GREB1: variants seen among roughly 807,000 people sequenced by gnomAD.
GREB1 encodes growth regulating estrogen receptor binding 1, also known as protein GREB1.
In GREB1, 106 loss-of-function variants were observed where a neutral mutation model predicts 200.7. The ratio of observed to expected loss-of-function variants is 0.53; its 90% CI spans 0.45 to 0.62. The LOEUF is 0.62. GREB1 is among the 20% of genes least tolerant of loss of function. The pLI, the probability that GREB1 is intolerant of heterozygous loss-of-function variation, is 0.00. For missense variants in GREB1, 2,243 were observed against 2,556.8 expected (o/e 0.88, Z 2.65); for synonymous variants, 1,132 against 1,092.4 (o/e 1.04, Z -0.72).
chr2:11,610,730 C>A lies in GREB1; in HGVS notation c.2709C>A (p.Leu903=). The A allele has an allele frequency of 6.2e-7, 1 of 1,613,366 alleles. No individual in the cohort carries two copies. Among genetic ancestry groups the A allele is most frequent in the Non-Finnish European group, 8.5e-7 (1 of 1,179,946 alleles). Residue 903 remains leucine, a synonymous_variant, in exon 18 of 33, where the codon CTC becomes CTA. Transcript: ENST00000381486. ...LHSAVIRTFV[L]VQHYAAALMA... ...GCGCGGTGATCAGGACCTTTGTTCT[C>A]GTGCAGCACTACGCGGCCGCCCTGA...
intron 8 of GREB1, 89 bp from the exon 9 acceptor site, chr2:11,585,673 T>C: frequency 6.9e-7 from 1 of 1,446,590 alleles, no homozygotes; most frequent in Non-Finnish European, 9.6e-7. Context: ...GGTCAGAGGG[T>C]AGCAGATTTG....
intron 1 of GREB1, among the ~76,000 whole-genome samples, chr2:11,526,315 T>C (rs952725547): frequency 3.3e-5 from 5 of 152,182 alleles, no homozygotes; most frequent in Non-Finnish European, 7.3e-5. Context: ...CAGAATGTAG[T>C]AGAAAGATTA....
At chr2:11,636,722 G>A (rs1572227296) in intron 30 of GREB1, among the ~76,000 whole-genome samples, 2 of 152,008 alleles carry the variant, frequency 1.3e-5, no homozygotes, top group East Asian at 3.9e-4. Context: ...CCAGGCAGGG[G>A]CAAGGGCAGG....
chr2:11,618,495 G>C lies in GREB1; in HGVS notation c.3620G>C (p.Gly1207Ala), dbSNP rs1460820849. 14 of 1,610,178 alleles carry C rather than the reference G, an allele frequency of 8.7e-6. No individual in the cohort carries two copies. Among genetic ancestry groups the C allele is most frequent in the Non-Finnish European group, 1.2e-5 (14 of 1,178,944 alleles). ...TPQPDCSLRT[G>A]QRSVQVSVTS... Reference sequence around the variant, plus strand: ...CAGCCCGACTGTAGCCTCAGGACCGGCCAGAGGAGCGTCCAGGTGTCGGTC... The same window carrying C: ...CAGCCCGACTGTAGCCTCAGGACCGCCCAGAGGAGCGTCCAGGTGTCGGTC... Residue 1207 changes from glycine to alanine, a missense_variant, in exon 22 of 33, where the codon GGC (glycine) becomes GCC (alanine). Around this residue, in one of 3 missense-constraint regions of GREB1, gnomAD observed 587 missense variants for 553.1 expected, o/e 1.06. Coordinates refer to ENST00000381486, the MANE Select transcript of GREB1 (RefSeq NM_014668.4).
rs1421996950 is a variant in GREB1, at chr2:11,590,444, C to T, written c.1345+1513C>T. ...TGCTCTGTCCCAGCCCACTGTCCCC[C>T]TCAGCAATCTTGGTCCCACCTGGGC... On this transcript the variant is annotated intron_variant, in intron 10 of 32. Transcript: ENST00000381486. Among the ~76,000 whole-genome samples the T allele has an allele frequency of 2.0e-5, 3 of 152,178 alleles. No individual in the cohort carries two copies. The East Asian group carries it at 5.8e-4, about 29-fold the overall frequency.
chr2:11,587,774 G>A, intron 9 of GREB1: 1 of 1,118,368 alleles, frequency 8.9e-7, no homozygotes. Flanking sequence ...GCCCCGAGAG[G>A]ATTTGATAGC....
intron 1 of GREB1, among the ~76,000 whole-genome samples, chr2:11,494,054 G>A (rs957212083): frequency 6.6e-6 from 1 of 152,232 alleles, no homozygotes; most frequent in Non-Finnish European, 1.5e-5. Context: ...GTAAGCCAGA[G>A]TGTGGTACCC....
In GREB1 at chr2:11,612,516, G is replaced by A. The variant is rs1404807999; in HGVS notation, c.3028G>A (p.Val1010Met). 2.5e-6 allele frequency: 4 copies of A among 1,611,322 alleles called. No individual in the cohort carries two copies. The Admixed American group carries it at 5.0e-5, about 20-fold the overall frequency. ...QLRMWQKIED[V>M]EWRPQTYLEL... ...GCAGATGTGGCAGAAAATTGAGGAT[G>A]TGGAGTGGAGACCCCAGACTTACTT... is the stretch of plus-strand genomic sequence containing the variant. The change falls in exon 19 of 33, where the codon GTG (valine) becomes ATG (methionine). Residue 1010 changes from valine (V) to methionine (M), a missense_variant. This residue lies in a region of GREB1 where 1,178 missense variants were observed against 1,387.4 expected (regional missense o/e 0.85). Transcript: ENST00000381486.
intron 1 of GREB1, among the ~76,000 whole-genome samples, chr2:11,483,123 G>T (rs903945695): frequency 6.6e-6 from 1 of 152,098 alleles, no homozygotes; most frequent in Non-Finnish European, 1.5e-5. Context: ...AGGTGTCCGG[G>T]ATCGGCCCTG....
chr2:11,610,688 G>C lies in GREB1; in HGVS notation c.2667G>C (p.Arg889Ser), dbSNP rs760768825. Residue 889 changes from arginine to serine, a missense_variant and splice_region_variant, in exon 18 of 33, where the codon AGG becomes AGC. Around this residue, in one of 3 missense-constraint regions of GREB1, gnomAD observed 1,178 missense variants for 1,387.4 expected, o/e 0.85. Coordinates refer to ENST00000381486, the MANE Select transcript of GREB1 (RefSeq NM_014668.4). ...CATGGTCTCTCTGTGTTCCTTGCAG[G>C]TTCCCCCGCCTGCACAGCGCGGTGA... ...FEAMVTALGK[R>S]FPRLHSAVIR... 6.2e-7 allele frequency: 1 copy of C among 1,606,942 alleles called. No individual in the cohort carries two copies. The highest frequency in any genetic ancestry group is 1.3e-5 in the African/African-American group (1 of 74,776).
At chr2:11,509,629 G>A (rs909320454) in intron 1 of GREB1, among the ~76,000 whole-genome samples, 3 of 152,182 alleles carry the variant, frequency 2.0e-5, no homozygotes, top group Non-Finnish European at 4.4e-5. Flanking sequence ...CAATGTGATA[G>A]TATTCAGAGG....
rs1416223074 is a variant in GREB1, at chr2:11,640,605, G to A, written c.*151G>A. On this transcript the variant is annotated 3_prime_UTR_variant, in exon 33 of 33. Transcript: ENST00000381486. The surrounding 1 kb of genome is among the most constrained non-coding windows in gnomAD (Gnocchi z 4.6). ...CCCCTCCTAGTACACATGGGCCCCC[G>A]AGGCCGTGGTCCTGGGAGCCAGGAA... 3 of 831,280 alleles carry A rather than the reference G, an allele frequency of 3.6e-6. No homozygotes were observed. The highest frequency in any genetic ancestry group is 5.6e-6 in the Non-Finnish European group (3 of 534,378). The allele number at this position is 831,280 out of a possible 1,614,324, so 51.5% of individuals were successfully genotyped here.
intron 1 of GREB1, among the ~76,000 whole-genome samples, chr2:11,520,875 T>G (rs1359936565): frequency 6.6e-6 from 1 of 152,174 alleles, no homozygotes; most frequent in Non-Finnish European, 1.5e-5. Flanking sequence ...CCATAGGTAG[T>G]TACTACCATT....
At chr2:11,637,621 G>T (rs1685483382) in intron 30 of GREB1, 95 bp from the exon 31 acceptor site, 2 of 979,182 alleles carry the variant, frequency 2.0e-6, no homozygotes, top group African/African-American at 1.6e-5. Context: ...AGTGACACAA[G>T]CTCCCATGCT....
Position 11,597,849 on chromosome 2 carries a change from G to C in GREB1, c.2023G>C (p.Val675Leu), listed in dbSNP as rs760315020. The part of the protein sequence containing the change: ...LAVAQKLLSH[V>L]CSIADSSTQN... ...AGTAGCGCAGAAGCTCCTCTCCCAT[G>C]TGTGTTCCATTGCGGATTCCAGCAC... Residue 675 changes from valine (V) to leucine (L), a missense_variant, in exon 14 of 33, where the codon GTG becomes CTG. By Grantham distance (32) the Val-to-Leu change is conservative. Coordinates refer to ENST00000381486, the MANE Select transcript of GREB1 (RefSeq NM_014668.4). The surrounding 1 kb of genome is among the most constrained non-coding windows in gnomAD (Gnocchi z 4.1). 71 of 1,614,066 alleles carry C rather than the reference G, an allele frequency of 4.4e-5. No individual in the cohort carries two copies. Among genetic ancestry groups the C allele is most frequent in the Non-Finnish European group, 5.8e-5 (69 of 1,180,042 alleles).
Position 11,610,902 on chromosome 2 carries a change from G to A in GREB1, c.2881G>A (p.Val961Met). The change falls in exon 18 of 33, where the codon GTG becomes ATG. Residue 961 changes from valine (V) to methionine (M), a missense_variant. This residue lies in a region of GREB1 where 1,178 missense variants were observed against 1,387.4 expected (regional missense o/e 0.85). Transcript: ENST00000381486. ...GCGGGTGCCCTGTTCGCCCCTGGCG[G>A]TGGTGGCCTATGAGCGGCTGGCCCA... Reference protein sequence around the residue: ...LLRVPCSPLAVVAYERLAHVR... With the variant: ...LLRVPCSPLAMVAYERLAHVR... 2 of 1,613,020 alleles carry A rather than the reference G, an allele frequency of 1.2e-6. No homozygotes were observed. Among genetic ancestry groups the A allele is most frequent in the Non-Finnish European group, 1.7e-6 (2 of 1,179,778 alleles).
intron 1 of GREB1, among the ~76,000 whole-genome samples, chr2:11,507,328 GA>G: frequency 6.7e-6 from 1 of 148,424 alleles, no homozygotes; most frequent in East Asian, 2.0e-4. Flanking sequence ...AGAATTGCTT[GA>G]ACCCGGGAGG....
At chr2:11,530,809 A>G (rs2148489893), upstream of GREB1, among the ~76,000 whole-genome samples, 1 of 152,176 alleles carries the variant, frequency 6.6e-6, no homozygotes, top group African/African-American at 2.4e-5. Context: ...TTTTGTATCT[A>G]CTTAAGTTTA....
rs149405223 is a variant in GREB1 at position 11,493,670 on chromosome 2, A to G, written c.-159+11289A>G. 1.1e-3 allele frequency among the ~76,000 whole-genome samples: 161 copies of G among 152,306 alleles called. No homozygotes were observed. The highest frequency in any genetic ancestry group is 2.9e-3 in the Admixed American group (44 of 15,296). ...GTTATACTGAGCCAGTATTAATGCAACCTTATGTTTTTGAAGGTTGCATTT... is the reference window on the plus strand; with the variant it reads ...GTTATACTGAGCCAGTATTAATGCAGCCTTATGTTTTTGAAGGTTGCATTT... On this transcript the variant is annotated intron_variant, in intron 1 of 2. Transcript: ENST00000628795. The surrounding 1 kb of genome is among the most constrained non-coding windows in gnomAD (Gnocchi z 4.6).
Sources: gnomAD v4.1 joint callset for allele counts (sites outside exome capture counted in the v4.1 genomes callset) on GRCh38, gnomAD v4.1.1 for gene constraint, gnomAD v4.1.1 regional missense constraint, Gnocchi (gnomAD v3.1) non-coding constraint, MANE v1.5 for transcripts, NCBI Gene and HGNC (gene_info 2026-07-23, HGNC 2026-07-21) for gene names.